GPC5: variants seen among roughly 807,000 people sequenced by gnomAD.
GPC5 encodes the protein glypican-5.
In GPC5, 47 loss-of-function variants were observed where a neutral mutation model predicts 53.9. That is an observed-to-expected ratio of 0.87 (90% CI 0.69 to 1.11). GPC5 has a LOEUF of 1.11. GPC5 is among the 50% of genes most tolerant of loss of function. GPC5 has a pLI of 0.00. For synonymous variants in GPC5, 286 were observed against 263.3 expected (o/e 1.09, Z -0.84); for missense variants, 748 against 713.1 (o/e 1.05, Z -0.56).
chr13:91,629,795 C>T (rs1475994541), intron 2 of GPC5, among the ~76,000 whole-genome samples: 1 of 151,964 alleles, frequency 6.6e-6, no homozygotes, highest in Non-Finnish European at 1.5e-5. Flanking sequence ...ATTCTTTTTG[C>T]TACTAAAGGT....
chr13:92,498,120 C>G (rs1401973963), intron 7 of GPC5, among the ~76,000 whole-genome samples: 2 of 151,974 alleles, frequency 1.3e-5, no homozygotes, highest in Non-Finnish European at 2.9e-5. Flanking sequence ...AGAAATTCCA[C>G]TACTTAGGGC....
chr13:92,424,028 A>C (rs772299623), intron 7 of GPC5, among the ~76,000 whole-genome samples: 2 of 152,206 alleles, frequency 1.3e-5, no homozygotes, highest in Non-Finnish European at 2.9e-5. Flanking sequence ...AGTTTTGTGT[A>C]AGATGAAGAG....
chr13:91,800,830 G>A (rs761311715), intron 5 of GPC5, among the ~76,000 whole-genome samples: 4 of 151,014 alleles, frequency 2.6e-5, no homozygotes, highest in African/African-American at 4.9e-5. Context: ...TTTATGTGTA[G>A]TATATATACT....
chr13:91,826,392 G>T (rs1295962738), intron 5 of GPC5, among the ~76,000 whole-genome samples: 1 of 152,032 alleles, frequency 6.6e-6, no homozygotes, highest in African/African-American at 2.4e-5. Flanking sequence ...TCTATTGAAA[G>T]TATATTGCTT....
intron 7 of GPC5, among the ~76,000 whole-genome samples, chr13:92,186,697 A>T (rs1032521448): frequency 6.6e-6 from 1 of 152,192 alleles, no homozygotes; most frequent in African/African-American, 2.4e-5. Flanking sequence ...ATCGTCAAGG[A>T]TTGGTGACTT....
intron 7 of GPC5, among the ~76,000 whole-genome samples, chr13:92,756,586 T>C (rs1470287629): frequency 6.2e-4 from 93 of 150,474 alleles, no homozygotes; most frequent in African/African-American, 1.0e-3. Context: ...AAAACCCCAT[T>C]GTCTCAGCCC....
Position 91,691,922 on chromosome 13 carries a change from T to C in GPC5, c.326-1265T>C, listed in dbSNP as rs140207349. ...CGGTTGGGACTATAGGAGATAATTT[T>C]ATTGAATATATTTTATTATTATATA... On this transcript the variant is annotated intron_variant, in intron 2 of 7. Coordinates refer to ENST00000377067, the MANE Select transcript of GPC5 (RefSeq NM_004466.6). Among the ~76,000 whole-genome samples, 14 of 152,334 alleles carry C rather than the reference T, an allele frequency of 9.2e-5. No homozygotes were observed. The East Asian group carries it at 2.7e-3, about 29-fold the overall frequency.
chr13:92,745,576 C>T (rs1398338073), intron 7 of GPC5, among the ~76,000 whole-genome samples: 1 of 152,042 alleles, frequency 6.6e-6, no homozygotes, highest in African/African-American at 2.4e-5. Context: ...TCTGAACAAG[C>T]TGAGTCCTCT....
intron 7 of GPC5, among the ~76,000 whole-genome samples, chr13:92,425,498 C>T (rs923979254): frequency 6.6e-6 from 1 of 151,924 alleles, no homozygotes; most frequent in African/African-American, 2.4e-5. Flanking sequence ...TTTTATCACC[C>T]CTTTAGAGCT....
intron 6 of GPC5, among the ~76,000 whole-genome samples, chr13:92,060,741 A>T (rs986658109): frequency 3.3e-5 from 5 of 151,446 alleles, no homozygotes; most frequent in African/African-American, 1.2e-4. Context: ...GTAATTACAT[A>T]CAATGCTTGT....
intron 7 of GPC5, among the ~76,000 whole-genome samples, chr13:92,655,067 A>G (rs1233709234): frequency 6.6e-6 from 1 of 152,134 alleles, no homozygotes; most frequent in African/African-American, 2.4e-5. Flanking sequence ...CCTGAGTTAG[A>G]TTTTCCCTCA....
intron 7 of GPC5, among the ~76,000 whole-genome samples, chr13:92,476,115 A>C (rs948386710): frequency 2.0e-5 from 3 of 152,154 alleles, no homozygotes; most frequent in East Asian, 1.9e-4. Flanking sequence ...CAACCTACAG[A>C]ATGGGAGAAA....
rs144763042 is a variant in GPC5 at position 92,145,328 on chromosome 13, G to A, written c.1561+339G>A. On this transcript the variant is annotated intron_variant, in intron 7 of 7. Coordinates refer to ENST00000377067, the MANE Select transcript of GPC5 (RefSeq NM_004466.6). ...TGAAACCAGGATGGGTAAGTACTACGTAATAATCAAATTGTGCAATTAAAA... is the reference window on the plus strand; with the variant it reads ...TGAAACCAGGATGGGTAAGTACTACATAATAATCAAATTGTGCAATTAAAA... Among the ~76,000 whole-genome samples, 407 of 152,038 alleles carry A rather than the reference G, an allele frequency of 2.7e-3. 1 individual carries two copies. Among genetic ancestry groups the A allele is most frequent in the African/African-American group, 9.2e-3 (383 of 41,496 alleles).
intron 7 of GPC5, among the ~76,000 whole-genome samples, chr13:92,458,525 T>C (rs905044996): frequency 1.4e-4 from 22 of 152,096 alleles, no homozygotes; most frequent in Non-Finnish European, 2.2e-4. Context: ...CTTGAACTCC[T>C]GACCTCAGGT....
At chr13:92,336,104 C>T (rs2043321355) in intron 7 of GPC5, among the ~76,000 whole-genome samples, 1 of 152,112 alleles carries the variant, frequency 6.6e-6, no homozygotes, top group African/African-American at 2.4e-5. Flanking sequence ...ATATAAAAAT[C>T]TGAGTTTATA....
At chr13:92,041,542 A>T (rs1310349901) in intron 6 of GPC5, among the ~76,000 whole-genome samples, 1 of 152,168 alleles carries the variant, frequency 6.6e-6, no homozygotes, top group Non-Finnish European at 1.5e-5. Flanking sequence ...CAGGCCTAAA[A>T]ATAAAGTCAC....
intron 6 of GPC5, among the ~76,000 whole-genome samples, chr13:92,072,215 ATATT>A (rs2042965296): frequency 1.3e-5 from 2 of 149,054 alleles, no homozygotes; most frequent in South Asian, 4.2e-4. Context: ...ATATATAAAT[ATATT>A]TATTTTTTAA....
chr13:92,515,180 T>C lies in GPC5; in HGVS notation c.1562-351102T>C, dbSNP rs1281660819. On this transcript the variant is annotated intron_variant, in intron 7 of 7. Coordinates refer to ENST00000377067, the MANE Select transcript of GPC5 (RefSeq NM_004466.6). ...ATTCACTAAAACTCATAATATATATTGAGTGTTTCCACTGTGTCAGGCACC... is the reference window on the plus strand; with the variant it reads ...ATTCACTAAAACTCATAATATATATCGAGTGTTTCCACTGTGTCAGGCACC... Among the ~76,000 whole-genome samples, 4 of 152,336 alleles carry C rather than the reference T, an allele frequency of 2.6e-5. No individual in the cohort carries two copies. In the East Asian group the frequency reaches 7.7e-4, roughly 29 times the overall value.
intron 6 of GPC5, among the ~76,000 whole-genome samples, chr13:91,973,626 G>T (rs2040266390): frequency 6.6e-6 from 1 of 152,142 alleles, no homozygotes; most frequent in Admixed American, 6.5e-5. Flanking sequence ...TGATGATGGT[G>T]ATGTACAGAT....
Sources: allele counts gnomAD v4.1 joint callset (sites outside exome capture counted in the v4.1 genomes callset), GRCh38; gene constraint gnomAD v4.1.1; transcripts MANE v1.5; gene names NCBI Gene and HGNC (gene_info 2026-07-23, HGNC 2026-07-21).